The following MIGA1 variants were observed in gnomAD, a reference collection of about 807,000 sequenced individuals.
MIGA1 encodes the protein family with sequence similarity 73, member A.
MIGA1 carries 58 observed loss-of-function variants against 82.0 expected under a neutral mutation model. The ratio of observed to expected loss-of-function variants is 0.71; its 90% confidence interval spans 0.57 to 0.88. MIGA1 has a LOEUF of 0.88. MIGA1 is among the 40% of genes least tolerant of loss of function. The probability of loss-of-function intolerance (pLI) is 0.00; values close to 1 mark genes in which losing one functional copy is unlikely to be tolerated. For synonymous variants in MIGA1, 249 were observed against 253.6 expected (o/e 0.98, Z 0.17); for missense variants, 751 against 749.1 (o/e 1.00, Z -0.03).
chr1:77,824,227 T>G (rs1445374896), intron 7 of MIGA1, among the ~76,000 whole-genome samples: 4 of 152,176 alleles, frequency 2.6e-5, no homozygotes, highest in Admixed American at 2.6e-4. Flanking sequence ...TTGCAAACAT[T>G]CAAATGCATT....
chr1:77,788,426 C>T (rs552113929), intron 2 of MIGA1, among the ~76,000 whole-genome samples: 301 of 152,328 alleles, frequency 2.0e-3, no homozygotes, highest in Non-Finnish European at 3.4e-3. Flanking sequence ...GCATGAACCA[C>T]GGTGCCCAAC....
intron 13 of MIGA1, among the ~76,000 whole-genome samples, chr1:77,864,509 CTT>C (rs1685589998): frequency 6.7e-6 from 1 of 150,138 alleles, no homozygotes; most frequent in South Asian, 2.1e-4. Flanking sequence ...AAGGCTGTCT[CTT>C]TTAAAAATAC....
chr1:77,796,069 A>T (rs1239540091), intron 2 of MIGA1, among the ~76,000 whole-genome samples: 2 of 152,114 alleles, frequency 1.3e-5, no homozygotes, highest in African/African-American at 4.8e-5. Context: ...GTGTACACAT[A>T]AAGAAATTTC....
At chr1:77,820,305 T>C (rs951349328) in intron 7 of MIGA1, among the ~76,000 whole-genome samples, 1 of 152,066 alleles carries the variant, frequency 6.6e-6, no homozygotes, top group African/African-American at 2.4e-5. Flanking sequence ...CTGAACTTAG[T>C]GTAGTGCTAA....
At chr1:77,822,835 G>GTT (rs752488187) in intron 7 of MIGA1, among the ~76,000 whole-genome samples, 148 of 109,212 alleles carry the variant, frequency 1.4e-3, no homozygotes, top group Non-Finnish European at 1.6e-3. Flanking sequence ...CTTTCAGCAT[G>GTT]TTTTTTTTTT....
intron 5 of MIGA1, among the ~76,000 whole-genome samples, chr1:77,807,683 A>AGGG (rs955867283): frequency 1.2e-4 from 18 of 152,162 alleles, no homozygotes; most frequent in Non-Finnish European, 1.0e-4. Context: ...CTGGAGGCTT[A>AGGG]GGGGAGAATC....
intron 1 of MIGA1, chr1:77,782,903 C>T (rs986963069): frequency 2.1e-6 from 2 of 973,872 alleles, no homozygotes; most frequent in Non-Finnish European, 2.4e-6. Flanking sequence ...TAAATTACTC[C>T]CTAAAAAGTG....
At chr1:77,830,396 G>C (rs1178402987) in intron 7 of MIGA1, among the ~76,000 whole-genome samples, 1 of 151,870 alleles carries the variant, frequency 6.6e-6, no homozygotes, top group Non-Finnish European at 1.5e-5. Context: ...GTCATTGCTG[G>C]GATCTTAAAT....
At chr1:77,856,306 TA>T (rs1158266241) in intron 8 of MIGA1, among the ~76,000 whole-genome samples, 1 of 152,204 alleles carries the variant, frequency 6.6e-6, no homozygotes, top group Non-Finnish European at 1.5e-5. Flanking sequence ...AGTGTTTTGT[TA>T]AGGATTTTAG....
rs553904836 is a variant in MIGA1, at chr1:77,809,151, T to A, written c.637+2050T>A. Among the ~76,000 whole-genome samples the A allele has an allele frequency of 1.4e-4, 21 of 152,036 alleles. 1 individual carries two copies. The South Asian group carries it at 3.9e-3, about 29-fold the overall frequency. ...AACAACAACAAAAACCTCAGAATAT[T>A]AAAAATTCAAATTGAAGAAATGTAG... is the stretch of plus-strand genomic sequence containing the variant. On this transcript the variant is annotated intron_variant, in intron 5 of 15. Transcript: ENST00000370791.
intron 7 of MIGA1, among the ~76,000 whole-genome samples, chr1:77,831,278 A>G (rs1248918031): frequency 6.6e-6 from 1 of 152,204 alleles, no homozygotes; most frequent in Non-Finnish European, 1.5e-5. Flanking sequence ...AGATATGTAC[A>G]GTGTATTTCT....
intron 7 of MIGA1, among the ~76,000 whole-genome samples, chr1:77,820,089 T>C: frequency 6.6e-6 from 1 of 151,694 alleles, no homozygotes; most frequent in South Asian, 2.1e-4. Flanking sequence ...CTGGTGGTGG[T>C]ATGCTTTTGT....
intron 6 of MIGA1, among the ~76,000 whole-genome samples, chr1:77,814,764 A>T (rs1304037218): frequency 1.3e-5 from 2 of 152,154 alleles, no homozygotes; most frequent in Non-Finnish European, 2.9e-5. Context: ...TGGGTTTCTC[A>T]TTGACTAGGA....
intron 5 of MIGA1, among the ~76,000 whole-genome samples, chr1:77,810,687 T>C (rs916202897): frequency 6.6e-6 from 1 of 152,214 alleles, no homozygotes; most frequent in African/African-American, 2.4e-5. Context: ...TATACGTCAG[T>C]GATGTGCTGG....
Position 77,828,076 on chromosome 1 carries a change from A to AAAT in MIGA1, c.895+12848_895+12850dup, listed in dbSNP as rs1436983279. 7.2e-5 allele frequency among the ~76,000 whole-genome samples: 11 copies of AAAT among 152,144 alleles called. No individual in the cohort carries two copies. In the East Asian group the frequency reaches 1.4e-3, roughly 19 times the overall value. The stretch of plus-strand genomic sequence containing the variant: ...TTGTCTTATAAATAAATAAATAAAT[A>AAAT]AATAAAGGTGGGTGGGGAGGTTTAA... On this transcript the variant is annotated intron_variant, in intron 7 of 15. Transcript: ENST00000370791.
chr1:77,795,024 C>T (rs1219037658), intron 2 of MIGA1, among the ~76,000 whole-genome samples: 2 of 151,886 alleles, frequency 1.3e-5, no homozygotes, highest in Non-Finnish European at 1.5e-5. Context: ...AGTGCAGTGG[C>T]GTGATCTCGG....
At chr1:77,858,181 T>C in intron 8 of MIGA1, among the ~76,000 whole-genome samples, 1 of 152,044 alleles carries the variant, frequency 6.6e-6, no homozygotes, top group East Asian at 1.9e-4. Context: ...ACCCCATCTT[T>C]ACTAAAAATA....
chr1:77,835,083 G>T (rs1684378318), intron 7 of MIGA1, among the ~76,000 whole-genome samples: 1 of 152,196 alleles, frequency 6.6e-6, no homozygotes, highest in Admixed American at 6.5e-5. Flanking sequence ...TGTGCCTAGG[G>T]ATGGCAAAAG....
At chr1:77,844,113 A>AAAAATATATAT (rs1296124524) in intron 8 of MIGA1, among the ~76,000 whole-genome samples, 12 of 90,148 alleles carry the variant, frequency 1.3e-4, no homozygotes, top group African/African-American at 3.7e-4. Context: ...AAAAAAAAAA[A>AAAAATATATAT]ATATATATAT....
Sources: allele counts gnomAD v4.1 joint callset (sites outside exome capture counted in the v4.1 genomes callset), GRCh38; gene constraint gnomAD v4.1.1; transcripts MANE v1.5; gene names NCBI Gene and HGNC (gene_info 2026-07-23, HGNC 2026-07-21).